SPOCK3: variants seen among roughly 807,000 people sequenced by gnomAD.
The protein encoded by SPOCK3 is testican-3.
SPOCK3 carries 30 observed loss-of-function variants against 56.6 expected under a neutral mutation model. That is an observed-to-expected ratio of 0.53 (90% confidence interval 0.40 to 0.72). The LOEUF (loss-of-function observed/expected upper bound fraction) is 0.72, where lower values mean the gene tolerates loss of function less well. Among genes scored for constraint, SPOCK3 ranks in the 30% least tolerant of loss-of-function variants. The pLI, the probability that SPOCK3 is intolerant of heterozygous loss-of-function variation, is 0.00. For missense variants in SPOCK3, 527 were observed against 530.0 expected (o/e 0.99, Z 0.06); for synonymous variants, 196 against 183.3 (o/e 1.07, Z -0.56).
intron 3 of SPOCK3, among the ~76,000 whole-genome samples, chr4:167,051,505 T>C (rs1486009937): frequency 2.0e-5 from 3 of 152,338 alleles, no homozygotes; most frequent in South Asian, 2.1e-4. Context: ...AGGAAGGACA[T>C]GGGCAGACAA....
At chr4:167,071,467 A>G (rs1334033955) in intron 2 of SPOCK3, among the ~76,000 whole-genome samples, 3 of 147,558 alleles carry the variant, frequency 2.0e-5, no homozygotes, top group Non-Finnish European at 4.5e-5. Flanking sequence ...TTCAATTCCC[A>G]CCTATGAGTG....
intron 3 of SPOCK3, among the ~76,000 whole-genome samples, chr4:167,061,817 A>C (rs996420541): frequency 1.3e-5 from 2 of 152,138 alleles, no homozygotes; most frequent in African/African-American, 2.4e-5. Flanking sequence ...AAGAAACTTT[A>C]AAAGTAAGAT....
intron 3 of SPOCK3, among the ~76,000 whole-genome samples, chr4:167,015,000 T>C (rs1037863312): frequency 1.3e-5 from 2 of 151,942 alleles, no homozygotes; most frequent in Non-Finnish European, 2.9e-5. Flanking sequence ...TATAAGAATA[T>C]TAAAAGCCTT....
intron 4 of SPOCK3, among the ~76,000 whole-genome samples, chr4:166,945,167 T>G (rs1212341556): frequency 2.0e-5 from 3 of 152,148 alleles, no homozygotes; most frequent in Non-Finnish European, 2.9e-5. Context: ...TGGCCTTTTT[T>G]GGTGGAGGAT....
intron 10 of SPOCK3, among the ~76,000 whole-genome samples, chr4:166,735,515 GGTT>G (rs1485948819): frequency 2.6e-5 from 4 of 151,918 alleles, no homozygotes; most frequent in Non-Finnish European, 5.9e-5. Flanking sequence ...TTGCAAATAT[GGTT>G]AAGTAAAGGA....
Position 166,955,559 on chromosome 4 carries a change from T to TTATTAAATTTAATATAATTAAATTA in SPOCK3, c.351-42841_351-42817dup, listed in dbSNP as rs1485210820. On this transcript the variant is annotated intron_variant, in intron 4 of 10. Transcript: ENST00000357545. ...TTTAATATTATTAAATTATATTATA[T>TTATTAAATTTAATATAATTAAATTA]TATTAAATTTAATATAATTAAATTA... is the stretch of plus-strand genomic sequence containing the variant. Among the ~76,000 whole-genome samples the TTATTAAATTTAATATAATTAAATTA allele has an allele frequency of 6.0e-5, 7 of 116,376 alleles. No homozygotes were observed. The East Asian group carries it at 6.3e-4, about 10-fold the overall frequency. The allele number at this position is 116,376 out of a possible 152,430, so 76.3% of individuals were successfully genotyped here. A position where few individuals can be genotyped will look rare whatever the true frequency, so the allele number is the denominator to read the frequency against.
At chr4:167,205,610 A>G (rs1393521969) in intron 2 of SPOCK3, among the ~76,000 whole-genome samples, 1 of 110,444 alleles carries the variant, frequency 9.1e-6, no homozygotes, top group African/African-American at 3.5e-5. Flanking sequence ...TAATATATAT[A>G]AAATATCTAT....
intron 2 of SPOCK3, among the ~76,000 whole-genome samples, chr4:167,078,404 G>T (rs1385143772): frequency 6.7e-6 from 1 of 148,678 alleles, no homozygotes; most frequent in Non-Finnish European, 1.5e-5. Context: ...GAAGGAATGG[G>T]GACGGTAGGT....
At chr4:166,915,989 C>T (rs974314640) in intron 4 of SPOCK3, among the ~76,000 whole-genome samples, 6 of 152,010 alleles carry the variant, frequency 3.9e-5, no homozygotes, top group African/African-American at 7.2e-5. Flanking sequence ...CTGGAATAAA[C>T]GTATGACTTT....
chr4:166,875,312 T>A (rs1732962165), intron 6 of SPOCK3, among the ~76,000 whole-genome samples: 1 of 152,134 alleles, frequency 6.6e-6, no homozygotes, highest in Non-Finnish European at 1.5e-5. Context: ...AGGTGTGATA[T>A]TTTTGTCTAT....
At chr4:166,810,909 A>C (rs2126723769) in intron 6 of SPOCK3, among the ~76,000 whole-genome samples, 1 of 152,024 alleles carries the variant, frequency 6.6e-6, no homozygotes, top group South Asian at 2.1e-4. Flanking sequence ...GAAAGCTGTA[A>C]ATTTGTAACT....
intron 6 of SPOCK3, among the ~76,000 whole-genome samples, chr4:166,873,822 G>A (rs1732765798): frequency 6.6e-6 from 1 of 152,076 alleles, no homozygotes; most frequent in South Asian, 2.1e-4. Context: ...GAAGGGTATA[G>A]AACTCAATAG....
At chr4:166,783,051 T>G (rs1414465173) in intron 7 of SPOCK3, among the ~76,000 whole-genome samples, 4 of 152,158 alleles carry the variant, frequency 2.6e-5, no homozygotes, top group African/African-American at 9.7e-5. Flanking sequence ...TAAGTACATA[T>G]CTTTGTATGA....
At chr4:166,914,235 T>TA (rs77771162) in intron 4 of SPOCK3, among the ~76,000 whole-genome samples, 2,196 of 148,216 alleles carry the variant, frequency 0.015, 35 homozygotes, top group East Asian at 0.064. Flanking sequence ...AGGATTGTAG[T>TA]AAAAAAAAAA....
intron 8 of SPOCK3, among the ~76,000 whole-genome samples, chr4:166,752,211 G>T (rs1364806301): frequency 6.6e-6 from 1 of 151,864 alleles, no homozygotes; most frequent in Non-Finnish European, 1.5e-5. Context: ...TTTTTGTAGA[G>T]ACAGGATCTC....
intron 4 of SPOCK3, among the ~76,000 whole-genome samples, chr4:166,941,355 C>T (rs937622230): frequency 2.0e-5 from 3 of 152,150 alleles, no homozygotes; most frequent in Middle Eastern, 3.2e-3. Flanking sequence ...TTATTAACTC[C>T]GGGATGAAAC....
chr4:166,942,109 C>T (rs998713744), intron 4 of SPOCK3, among the ~76,000 whole-genome samples: 4 of 152,142 alleles, frequency 2.6e-5, no homozygotes, highest in African/African-American at 9.7e-5. Context: ...CTGTATCTCC[C>T]TTAGACTTTC....
intron 6 of SPOCK3, among the ~76,000 whole-genome samples, chr4:166,849,786 C>T (rs1191868204): frequency 6.6e-6 from 1 of 152,136 alleles, no homozygotes; most frequent in East Asian, 1.9e-4. Flanking sequence ...AACTACCATT[C>T]TACTTTCTGT....
chr4:167,150,703 G>C (rs1764340307), intron 2 of SPOCK3, among the ~76,000 whole-genome samples: 2 of 152,190 alleles, frequency 1.3e-5, no homozygotes, highest in Admixed American at 1.3e-4. Context: ...CATTATGTTT[G>C]ATCCACAAAG....
Sources: allele counts gnomAD v4.1 joint callset (sites outside exome capture counted in the v4.1 genomes callset), GRCh38; gene constraint gnomAD v4.1.1; transcripts MANE v1.5; gene names NCBI Gene and HGNC (gene_info 2026-07-23, HGNC 2026-07-21).